DGKG: variants seen among roughly 807,000 people sequenced by gnomAD.
The protein encoded by DGKG is DAG kinase gamma.
In DGKG, 78 loss-of-function variants were observed where a neutral mutation model predicts 105.3. The ratio of observed to expected loss-of-function variants is 0.74; its 90% confidence interval spans 0.62 to 0.89. DGKG has a LOEUF of 0.89. Among genes scored for constraint, DGKG ranks in the 40% least tolerant of loss-of-function variants. The pLI, the probability that DGKG is intolerant of heterozygous loss-of-function variation, is 0.00. For synonymous variants in DGKG, 346 were observed against 367.1 expected, an observed-to-expected ratio of 0.94 and a Z score of 0.66; for missense variants, 958 against 1,020.1, an observed-to-expected ratio of 0.94 and a Z score of 0.83.
At chr3:186,237,100 C>G (rs769999367) in intron 20 of DGKG, among the ~76,000 whole-genome samples, 3 of 152,226 alleles carry the variant, frequency 2.0e-5, no homozygotes, top group Non-Finnish European at 4.4e-5. Context: ...TCTGCTAGTA[C>G]TGATTGCTGC....
intron 2 of DGKG, among the ~76,000 whole-genome samples, chr3:186,315,798 A>T (rs1724790767): frequency 6.6e-6 from 1 of 152,164 alleles, no homozygotes; most frequent in South Asian, 2.1e-4. Context: ...TTCCCTCCCT[A>T]TGTGAGTCCC....
intron 24 of DGKG, chr3:186,160,459 T>G (rs1045168714): frequency 1.0e-6 from 1 of 985,288 alleles, no homozygotes; most frequent in Non-Finnish European, 1.2e-6. Flanking sequence ...TGGAAAGCTA[T>G]TATTTGATAT....
rs115199835 is a variant in DGKG at position 186,160,781 on chromosome 3, C to T, written c.2277+822G>A. 407 of 985,430 alleles carry T rather than the reference C, an allele frequency of 4.1e-4. 3 individuals are homozygous for T. In the African/African-American group the frequency reaches 5.7e-3, roughly 14 times the overall value. The allele number at this position is 985,430 out of a possible 1,614,324, so 61.0% of individuals were successfully genotyped here. ...GCAGAGGCCCTGAAAACCAGGACGACGATTGCTCTTCACCACGAGATTCTA... is the reference window on the plus strand; with the variant it reads ...GCAGAGGCCCTGAAAACCAGGACGATGATTGCTCTTCACCACGAGATTCTA... On this transcript the variant is annotated intron_variant, in intron 24 of 24. Coordinates refer to ENST00000265022, the MANE Select transcript of DGKG (RefSeq NM_001346.3).
intron 20 of DGKG, among the ~76,000 whole-genome samples, chr3:186,215,034 T>G (rs1397997045): frequency 1.3e-5 from 2 of 152,024 alleles, no homozygotes; most frequent in South Asian, 4.1e-4. Context: ...GAACTCAAGG[T>G]AGGGCTTGGC....
intron 1 of DGKG, among the ~76,000 whole-genome samples, chr3:186,343,070 C>T (rs1333489393): frequency 6.6e-6 from 1 of 152,074 alleles, no homozygotes; most frequent in Non-Finnish European, 1.5e-5. Flanking sequence ...ACAAAAAACC[C>T]CACTATGGGC....
intron 1 of DGKG, among the ~76,000 whole-genome samples, chr3:186,334,153 C>G (rs1013920535): frequency 3.9e-5 from 6 of 152,170 alleles, no homozygotes; most frequent in Non-Finnish European, 8.8e-5. Flanking sequence ...GGTCTACTAT[C>G]TGTTCTATAT....
chr3:186,188,494 G>T, intron 21 of DGKG, 115 bp from the exon 22 acceptor site: 1 of 1,036,492 alleles, frequency 9.6e-7, no homozygotes, highest in Non-Finnish European at 1.4e-6. Context: ...GATGTGACAG[G>T]TCCTCAGCCA....
chr3:186,361,105 C>A lies in DGKG; in HGVS notation c.-249+841G>T, dbSNP rs755469856. 1.3e-5 allele frequency among the ~76,000 whole-genome samples: 2 copies of A among 152,212 alleles called. No homozygotes were observed. Among genetic ancestry groups the A allele is most frequent in the African/African-American group, 4.8e-5 (2 of 41,474 alleles). ...CGCCACCCTGAGTTCCGCAGCTCAT[C>A]CCTCCCATCTGGGAGGTGGTTCTAG... On this transcript the variant is annotated intron_variant, in intron 1 of 24. Transcript: ENST00000265022. The surrounding 1 kb of genome is among the most constrained non-coding windows in gnomAD (Gnocchi z 6.8).
At chr3:186,325,184 A>G (rs1438852275) in intron 1 of DGKG, among the ~76,000 whole-genome samples, 2 of 152,346 alleles carry the variant, frequency 1.3e-5, no homozygotes, top group East Asian at 3.9e-4. Flanking sequence ...GTGGGAGCTA[A>G]ACATTGGGAA....
chr3:186,202,471 A>C (rs1055766944), intron 21 of DGKG, among the ~76,000 whole-genome samples: 6 of 152,234 alleles, frequency 3.9e-5, no homozygotes, highest in African/African-American at 1.4e-4. Context: ...AAGGATTGTA[A>C]TGTTTCTCTT....
At chr3:186,278,643 A>G (rs1722694425) in intron 9 of DGKG, among the ~76,000 whole-genome samples, 1 of 152,192 alleles carries the variant, frequency 6.6e-6, no homozygotes, top group Non-Finnish European at 1.5e-5. Flanking sequence ...AGAGCTTGGA[A>G]AGCACTGGAC....
intron 3 of DGKG, among the ~76,000 whole-genome samples, chr3:186,301,975 A>G (rs1326894990): frequency 6.6e-6 from 1 of 151,910 alleles, no homozygotes; most frequent in Non-Finnish European, 1.5e-5. Context: ...TTCCTGAGCA[A>G]CCCTCCATGC....
At chr3:186,297,933 TC>T in intron 4 of DGKG, 130 bp downstream of exon 4, 1 of 1,032,806 alleles carries the variant, frequency 9.7e-7, no homozygotes, top group South Asian at 1.7e-5. Flanking sequence ...GGCGTCCCTG[TC>T]CCTTGGTTCA....
chr3:186,186,096 CA>C lies in DGKG; in HGVS notation c.2095+2105del, dbSNP rs3049465. 3.2e-3 allele frequency among the ~76,000 whole-genome samples: 238 copies of C among 75,256 alleles called. 2 individuals carry two copies. The highest frequency in any genetic ancestry group is 0.026 in the South Asian group (47 of 1,776). 49.4% of individuals were successfully genotyped at this position (75,256 alleles called of 152,430 possible). ...TGGGTGACAGAGTGAGACTCTGCCT[CA>C]AAAAAAAAAAAAAAAAAAAAGAGGT... is the stretch of plus-strand genomic sequence containing the variant. On this transcript the variant is annotated intron_variant, in intron 22 of 24. Transcript: ENST00000265022.
intron 1 of DGKG, among the ~76,000 whole-genome samples, chr3:186,325,891 A>AT (rs1385394469): frequency 3.3e-5 from 5 of 151,984 alleles, no homozygotes; most frequent in Non-Finnish European, 7.4e-5. Context: ...TATCTCAGTC[A>AT]TTTTTTCAGC....
At chr3:186,250,431 A>G (rs1318927625) in intron 19 of DGKG, among the ~76,000 whole-genome samples, 3 of 152,190 alleles carry the variant, frequency 2.0e-5, no homozygotes, top group African/African-American at 4.8e-5. Flanking sequence ...CATGGCACAC[A>G]CTTACCCACA....
chr3:186,314,951 T>C (rs1190564927), intron 2 of DGKG, among the ~76,000 whole-genome samples: 3 of 152,024 alleles, frequency 2.0e-5, no homozygotes, highest in African/African-American at 4.8e-5. Flanking sequence ...TAACAAAAAA[T>C]TGAAGAAAAA....
intron 22 of DGKG, among the ~76,000 whole-genome samples, chr3:186,182,632 C>T (rs1717413970): frequency 6.6e-6 from 1 of 152,212 alleles, no homozygotes; most frequent in Non-Finnish European, 1.5e-5. Flanking sequence ...TCTTACTTAT[C>T]AAATGAGTTT....
At chr3:186,239,284 G>A (rs561430861) in intron 20 of DGKG, among the ~76,000 whole-genome samples, 54 of 152,290 alleles carry the variant, frequency 3.5e-4, no homozygotes, top group Middle Eastern at 6.8e-3. Flanking sequence ...GTCCAAACCT[G>A]GGCAGTAATG....
Sources: allele counts gnomAD v4.1 joint callset (sites outside exome capture counted in the v4.1 genomes callset), GRCh38; gene constraint gnomAD v4.1.1; non-coding constraint Gnocchi (gnomAD v3.1); transcripts MANE v1.5; gene names NCBI Gene and HGNC (gene_info 2026-07-23, HGNC 2026-07-21).